The following CACNA1C variants were observed in gnomAD, a reference collection of about 807,000 sequenced individuals.
CACNA1C encodes the protein voltage-dependent L-type calcium channel subunit alpha-1C.
Under a neutral mutation model 229.0 loss-of-function variants are expected in CACNA1C, and 30 were observed. The ratio of observed to expected loss-of-function variants is 0.13; its 90% CI spans 0.10 to 0.18. The LOEUF (loss-of-function observed/expected upper bound fraction) is 0.18, where lower values mean the gene tolerates loss of function less well. CACNA1C is among the 10% of genes least tolerant of loss of function. The probability of loss-of-function intolerance (pLI) is 1.00; values close to 1 mark genes in which losing one functional copy is unlikely to be tolerated. For missense variants in CACNA1C, 1,658 were observed against 2,845.0 expected (o/e 0.58, Z 9.49); for synonymous variants, 1,114 against 1,132.5 (o/e 0.98, Z 0.33).
intron 3 of CACNA1C, among the ~76,000 whole-genome samples, chr12:2,311,636 G>A (rs1050286192): frequency 2.0e-5 from 3 of 152,186 alleles, no homozygotes; most frequent in African/African-American, 2.4e-5. Context: ...CCTCTTCCGC[G>A]ATATGTCAGA....
chr12:2,367,337 C>T (rs1333547358), intron 3 of CACNA1C, among the ~76,000 whole-genome samples: 1 of 152,312 alleles, frequency 6.6e-6, no homozygotes, highest in African/African-American at 2.4e-5. Flanking sequence ...CGGTTCCTAA[C>T]AGGTCATGGA....
intron 13 of CACNA1C, among the ~76,000 whole-genome samples, chr12:2,568,209 G>C: frequency 6.6e-6 from 1 of 152,106 alleles, no homozygotes; most frequent in East Asian, 1.9e-4. Context: ...AGAAGAGAAA[G>C]GAGCAAAAGG....
In CACNA1C at chr12:2,372,835, A is replaced by G. The variant is rs139702954; in HGVS notation, c.478-76141A>G. Among the ~76,000 whole-genome samples, 305 of 152,364 alleles carry G rather than the reference A, an allele frequency of 2.0e-3. 1 individual carries two copies. Among genetic ancestry groups the G allele is most frequent in the African/African-American group, 6.9e-3 (289 of 41,584 alleles). On this transcript the variant is annotated intron_variant, in intron 3 of 46. Coordinates refer to ENST00000399655, the MANE Select transcript of CACNA1C (RefSeq NM_000719.7). ...CTGTCAGCCTCAGGGGTCCGGGGAC[A>G]TGCCAGTAGTGCAATGGCAGCTCCC...
intron 1 of CACNA1C, among the ~76,000 whole-genome samples, chr12:1,974,833 C>A (rs1427024191): frequency 6.6e-6 from 1 of 152,164 alleles, no homozygotes; most frequent in Non-Finnish European, 1.5e-5. Context: ...TAAGTCCAGT[C>A]TCCTATAATC....
intron 5 of CACNA1C, among the ~76,000 whole-genome samples, chr12:2,485,430 G>C (rs2154570461): frequency 6.6e-6 from 1 of 152,200 alleles, no homozygotes; most frequent in South Asian, 2.1e-4. Flanking sequence ...CTTAGTAAGG[G>C]GGGCCTTCTC....
intron 1 of CACNA1C, among the ~76,000 whole-genome samples, chr12:2,039,449 A>C (rs1051973254): frequency 6.6e-6 from 1 of 152,212 alleles, no homozygotes; most frequent in Admixed American, 6.5e-5. Flanking sequence ...CTCTACCACC[A>C]ACAGGATAGA....
intron 38 of CACNA1C, among the ~76,000 whole-genome samples, chr12:2,670,369 T>A (rs766645063): frequency 3.3e-5 from 5 of 152,098 alleles, no homozygotes; most frequent in Non-Finnish European, 7.4e-5. Flanking sequence ...AGCCATTTAC[T>A]CTCTCTCTAC....
rs762191531 is a variant in CACNA1C, at chr12:2,145,535, A to G, written c.477+25105A>G. Among the ~76,000 whole-genome samples the G allele has an allele frequency of 1.3e-4, 20 of 151,152 alleles. 1 individual carries two copies. Among genetic ancestry groups the G allele is most frequent in the Middle Eastern group, 6.8e-3 (2 of 294 alleles). On this transcript the variant is annotated intron_variant, in intron 3 of 46. Transcript: ENST00000399655. Reference sequence around the variant, plus strand: ...AACACGCCTCTCATTGTAGGTTTATACATGTGTTTGCTTGCTCATTTATTT... The same window carrying G: ...AACACGCCTCTCATTGTAGGTTTATGCATGTGTTTGCTTGCTCATTTATTT...
intron 3 of CACNA1C, among the ~76,000 whole-genome samples, chr12:2,407,013 G>T (rs920647832): frequency 6.6e-6 from 1 of 152,254 alleles, no homozygotes; most frequent in African/African-American, 2.4e-5. Flanking sequence ...ACTCAGTGAG[G>T]CAGGGCCTCC....
At position 2,138,793 on chromosome 12, in the gene CACNA1C, C is replaced by T. The variant is rs752874771; in HGVS notation, c.477+18363C>T. ...GGCCTGCAGAACCGTGAGCCAAATA[C>T]GCCTCTTTTCTTTTTAAGTAACCCT... On this transcript the variant is annotated intron_variant, in intron 3 of 46. Transcript: ENST00000399655. 7.3e-5 allele frequency among the ~76,000 whole-genome samples: 11 copies of T among 150,968 alleles called. 1 individual carries two copies. Among genetic ancestry groups the T allele is most frequent in the Non-Finnish European group, 1.2e-4 (8 of 67,574 alleles).
chr12:2,489,923 A>G (rs1385137363), intron 6 of CACNA1C, among the ~76,000 whole-genome samples: 1 of 152,178 alleles, frequency 6.6e-6, no homozygotes, highest in Admixed American at 6.5e-5. Context: ...CCTCCCCAGG[A>G]CTTCATGACT....
intron 18 of CACNA1C, among the ~76,000 whole-genome samples, chr12:2,588,691 C>G (rs1260248120): frequency 6.6e-6 from 1 of 152,220 alleles, no homozygotes; most frequent in Non-Finnish European, 1.5e-5. Context: ...CAGCTGCTTT[C>G]AACCTCCCAG....
chr12:2,211,746 C>G (rs1332120848), intron 3 of CACNA1C, among the ~76,000 whole-genome samples: 2 of 125,306 alleles, frequency 1.6e-5, no homozygotes, highest in Non-Finnish European at 3.2e-5. Context: ...GAGACAGAGT[C>G]TTGCTCTTTT....
In CACNA1C at chr12:2,211,832, C is replaced by T. The variant is rs144581903; in HGVS notation, c.477+91402C>T. Among the ~76,000 whole-genome samples, 201 of 151,688 alleles carry T rather than the reference C, an allele frequency of 1.3e-3. 4 individuals carry two copies. The East Asian group carries it at 0.036, about 27-fold the overall frequency. ...CTTCCAGGTTCAAGCGATTCTCCTG[C>T]CTCAGCCTCCCGAGTAGCTGGGACT... On this transcript the variant is annotated intron_variant, in intron 3 of 46. Transcript: ENST00000399655.
rs1326699059 is a variant in CACNA1C at position 2,152,155 on chromosome 12, C to T, written c.477+31725C>T. On this transcript the variant is annotated intron_variant, in intron 3 of 46. Transcript: ENST00000399655. This position sits in a 1 kb window ranked among gnomAD's most constrained non-coding sequence, Gnocchi z 4.2. ...GCAATGGACCACATTATGGCATGCA[C>T]ATTAATGTAGGGATTGTTCATACAA... is the stretch of plus-strand genomic sequence containing the variant. Among the ~76,000 whole-genome samples, 1 of 152,202 alleles carries T rather than the reference C, an allele frequency of 6.6e-6. No homozygotes were observed. The highest frequency in any genetic ancestry group is 1.5e-5 in the Non-Finnish European group (1 of 68,034).
chr12:2,491,430 G>A (rs2099730670), intron 6 of CACNA1C, among the ~76,000 whole-genome samples: 1 of 151,830 alleles, frequency 6.6e-6, no homozygotes, highest in Non-Finnish European at 1.5e-5. Context: ...GAGGAGAGGA[G>A]AAGAAGGAGG....
In CACNA1C at chr12:2,646,427, C is replaced by T. The variant is rs1367194648; in HGVS notation, c.3913-2048C>T. On this transcript the variant is annotated intron_variant, in intron 30 of 46. Transcript: ENST00000399655. The surrounding 1 kb of genome is among the most constrained non-coding windows in gnomAD (Gnocchi z 4.6). ...GACCTTCAAGCATTTGCCCAGGGTT[C>T]TTAGAAGTGATGAGCAGCTGTGATG... 6.6e-6 allele frequency: 1 copy of T among 152,192 alleles called. No individual in the cohort carries two copies. Among genetic ancestry groups the T allele is most frequent in the African/African-American group, 2.4e-5 (1 of 41,442 alleles). 9.4% of individuals were successfully genotyped at this position (152,192 alleles called of 1,614,324 possible).
intron 3 of CACNA1C, among the ~76,000 whole-genome samples, chr12:2,257,172 G>A (rs577251780): frequency 4.6e-5 from 7 of 152,262 alleles, no homozygotes; most frequent in South Asian, 4.1e-4. Context: ...GGCCAAGATC[G>A]TCCAGGCCCG....
intron 3 of CACNA1C, among the ~76,000 whole-genome samples, chr12:2,226,440 C>A (rs2063047765): frequency 6.6e-6 from 1 of 152,150 alleles, no homozygotes; most frequent in Non-Finnish European, 1.5e-5. Context: ...CACTGTAATA[C>A]CCTGACTTTC....
Sources: allele counts gnomAD v4.1 joint callset (sites outside exome capture counted in the v4.1 genomes callset), GRCh38; gene constraint gnomAD v4.1.1; non-coding constraint Gnocchi (gnomAD v3.1); transcripts MANE v1.5; gene names NCBI Gene and HGNC (gene_info 2026-07-23, HGNC 2026-07-21).